Variants in DPF3 observed in about 807,000 individuals in gnomAD.
DPF3 encodes the protein double PHD fingers 3, also known as zinc finger protein DPF3.
DPF3 carries 18 observed loss-of-function variants against 56.8 expected under a neutral mutation model. The ratio of observed to expected loss-of-function variants is 0.32; its 90% confidence interval spans 0.22 to 0.47. The LOEUF is 0.47. Among genes scored for constraint, DPF3 ranks in the 20% least tolerant of loss-of-function variants. DPF3 has a pLI of 1.00. For synonymous variants in DPF3, 188 were observed against 180.2 expected, an observed-to-expected ratio of 1.04 and a Z score of -0.35; for missense variants, 403 against 488.8, an observed-to-expected ratio of 0.82 and a Z score of 1.65.
At chr14:72,626,829 A>G (rs1048102758) in intron 9 of DPF3, among the ~76,000 whole-genome samples, 8 of 152,078 alleles carry the variant, frequency 5.3e-5, no homozygotes, top group Admixed American at 1.3e-4. Flanking sequence ...CCATAGCTTC[A>G]TCAACAGGAT....
intron 1 of DPF3, among the ~76,000 whole-genome samples, chr14:72,787,238 C>A (rs1175713705): frequency 6.6e-6 from 1 of 152,248 alleles, no homozygotes; most frequent in African/African-American, 2.4e-5. Flanking sequence ...AGAAGCCCAG[C>A]CCACAGCTAT....
In DPF3 at chr14:72,731,121, G is replaced by A. The variant is rs558313740; in HGVS notation, c.429+686C>T. Among the ~76,000 whole-genome samples, 75 of 152,258 alleles carry A rather than the reference G, an allele frequency of 4.9e-4. 1 individual carries two copies. The highest frequency in any genetic ancestry group is 4.1e-4 in the African/African-American group (17 of 41,554). On this transcript the variant is annotated intron_variant, in intron 4 of 10. Transcript: ENST00000556509. ...GCAGAGTTTGCAGTGAGCCGAGATC[G>A]AGATCATGCCACTGCACTCCAGCCT...
At chr14:72,727,575 CAA>C (rs575342495) in intron 4 of DPF3, among the ~76,000 whole-genome samples, 12 of 115,546 alleles carry the variant, frequency 1.0e-4, no homozygotes, top group African/African-American at 9.6e-5. Flanking sequence ...GACTCCATCT[CAA>C]AAAAAAAAAA....
intron 6 of DPF3, among the ~76,000 whole-genome samples, chr14:72,693,936 G>C (rs1887803249): frequency 6.6e-6 from 1 of 152,224 alleles, no homozygotes; most frequent in Non-Finnish European, 1.5e-5. Flanking sequence ...AGCATCCTTG[G>C]TGAGTGTAGT....
chr14:72,745,539 C>G (rs1481500413), intron 3 of DPF3, among the ~76,000 whole-genome samples: 2 of 152,104 alleles, frequency 1.3e-5, no homozygotes, highest in African/African-American at 4.8e-5. Flanking sequence ...ATGTCTAGGT[C>G]AAAGAGCATG....
chr14:72,774,442 TA>T (rs1308434452), intron 1 of DPF3, among the ~76,000 whole-genome samples: 1 of 152,136 alleles, frequency 6.6e-6, no homozygotes, highest in Non-Finnish European at 1.5e-5. Context: ...GGGTTCCAAC[TA>T]CTCCACATTC....
intron 7 of DPF3, among the ~76,000 whole-genome samples, chr14:72,689,553 A>C (rs1263751362): frequency 6.6e-6 from 1 of 152,206 alleles, no homozygotes; most frequent in Non-Finnish European, 1.5e-5. Context: ...CCAATTCAGC[A>C]CACAGCCCCA....
intron 1 of DPF3, among the ~76,000 whole-genome samples, chr14:72,869,035 C>G (rs1370969336): frequency 1.3e-5 from 2 of 152,152 alleles, no homozygotes; most frequent in Admixed American, 6.5e-5. Flanking sequence ...ATGACCAGGC[C>G]TCTCCTGACC....
At position 72,809,794 on chromosome 14, in the gene DPF3, C is replaced by T. The variant is rs539126887; in HGVS notation, c.33-37901G>A. Among the ~76,000 whole-genome samples the T allele has an allele frequency of 4.6e-5, 7 of 152,270 alleles. No homozygotes were observed. The East Asian group carries it at 5.8e-4, about 13-fold the overall frequency. On this transcript the variant is annotated intron_variant, in intron 1 of 10. Transcript: ENST00000556509. ...GCTCTCCAGGGAATACCAATGCAAA[C>T]GGCCACTGACCACCCCTTGAGCGCC...
chr14:72,752,743 C>T (rs1468111364), intron 3 of DPF3, among the ~76,000 whole-genome samples: 4 of 152,178 alleles, frequency 2.6e-5, no homozygotes, highest in Admixed American at 6.5e-5. Flanking sequence ...CTGCATCACA[C>T]GGGTAAATTG....
At chr14:72,836,028 G>A (rs965803592) in intron 1 of DPF3, 119 of 984,766 alleles carry the variant, frequency 1.2e-4, no homozygotes, top group Non-Finnish European at 1.4e-4. Flanking sequence ...GTCACCACAC[G>A]GGTGCCTCGG....
intron 3 of DPF3, among the ~76,000 whole-genome samples, chr14:72,738,474 G>A (rs943068322): frequency 8.6e-5 from 13 of 152,006 alleles, no homozygotes; most frequent in Admixed American, 1.3e-4. Flanking sequence ...CCACAGATAA[G>A]CATTCCCCCA....
intron 1 of DPF3, among the ~76,000 whole-genome samples, chr14:72,850,456 G>C (rs1295234136): frequency 6.6e-6 from 1 of 152,138 alleles, no homozygotes; most frequent in Admixed American, 6.5e-5. Context: ...AGAGAAATTA[G>C]TCCCCCAGAT....
chr14:72,671,188 C>G (rs1886658060), intron 8 of DPF3: 1 of 1,613,868 alleles, frequency 6.2e-7, no homozygotes, highest in Admixed American at 1.7e-5. Context: ...ACTGCGGCGT[C>G]CTCGACAGGA....
At chr14:72,757,420 A>G (rs78735219) in intron 2 of DPF3, among the ~76,000 whole-genome samples, 4,399 of 152,190 alleles carry the variant, frequency 0.029, 215 homozygotes, top group African/African-American at 0.1. Flanking sequence ...AAGTTATACC[A>G]ATTTGTCCAC....
At chr14:72,863,137 T>TAC (rs1885518160) in intron 1 of DPF3, among the ~76,000 whole-genome samples, 1 of 110,164 alleles carries the variant, frequency 9.1e-6, no homozygotes, top group Non-Finnish European at 1.7e-5. Context: ...TGTGTGTGTG[T>TAC]ATATATATAT....
At chr14:72,833,904 G>T (rs990688616) in intron 1 of DPF3, among the ~76,000 whole-genome samples, 1 of 151,438 alleles carries the variant, frequency 6.6e-6, no homozygotes, top group Non-Finnish European at 1.5e-5. Context: ...CAATGAGGCC[G>T]GGCATGGAAG....
At chr14:72,707,134 T>A (rs1289006487) in intron 6 of DPF3, among the ~76,000 whole-genome samples, 1 of 152,166 alleles carries the variant, frequency 6.6e-6, no homozygotes, top group African/African-American at 2.4e-5. Context: ...ATTTCATCCA[T>A]GTCCCTACAA....
At chr14:72,706,026 T>C (rs1888389685) in intron 6 of DPF3, among the ~76,000 whole-genome samples, 1 of 152,188 alleles carries the variant, frequency 6.6e-6, no homozygotes, top group South Asian at 2.1e-4. Flanking sequence ...GGAAAGTTAA[T>C]TAACCCTTCC....
Sources: gnomAD v4.1 joint callset for allele counts (sites outside exome capture counted in the v4.1 genomes callset) on GRCh38, gnomAD v4.1.1 for gene constraint, MANE v1.5 for transcripts, NCBI Gene and HGNC (gene_info 2026-07-23, HGNC 2026-07-21) for gene names.